Variants in CTNNA3 observed in about 807,000 individuals in gnomAD.
CTNNA3 encodes the protein catenin alpha-3.
Under a neutral mutation model 95.7 loss-of-function variants are expected in CTNNA3, and 76 were observed. The observed-to-expected ratio is 0.79, with a 90% CI of 0.66 to 0.96. The LOEUF (loss-of-function observed/expected upper bound fraction) is 0.96. CTNNA3 is among the 40% of genes least tolerant of loss of function. The probability of loss-of-function intolerance (pLI) is 0.00; values close to 1 mark genes in which losing one functional copy is unlikely to be tolerated. For missense variants in CTNNA3, 1,191 were observed against 1,089.8 expected (o/e 1.09, Z -1.31); for synonymous variants, 431 against 374.4 (o/e 1.15, Z -1.74).
chr10:66,223,062 AAAAC>A (rs564117625), intron 13 of CTNNA3, among the ~76,000 whole-genome samples: 6 of 152,214 alleles, frequency 3.9e-5, no homozygotes, highest in East Asian at 3.9e-4. Flanking sequence ...ACAAAAACCA[AAAAC>A]AAACAAACAA....
intron 2 of CTNNA3, among the ~76,000 whole-genome samples, chr10:67,646,691 A>G (rs1167926697): frequency 2.0e-5 from 3 of 152,110 alleles, no homozygotes; most frequent in African/African-American, 7.2e-5. Flanking sequence ...GTCCCTAGGA[A>G]AAGGGACTTG....
At chr10:67,484,667 G>T (rs1330107788) in intron 5 of CTNNA3, among the ~76,000 whole-genome samples, 1 of 152,104 alleles carries the variant, frequency 6.6e-6, no homozygotes, top group Admixed American at 6.6e-5. Flanking sequence ...CTTCTCAAAA[G>T]AAGACATACA....
At chr10:66,254,308 T>C (rs1033222574) in intron 13 of CTNNA3, among the ~76,000 whole-genome samples, 1 of 152,180 alleles carries the variant, frequency 6.6e-6, no homozygotes, top group Admixed American at 6.5e-5. Flanking sequence ...CAAAACTTTG[T>C]AAGTAACTAG....
intron 1 of CTNNA3, among the ~76,000 whole-genome samples, chr10:67,681,134 T>C (rs1228912803): frequency 1.3e-5 from 2 of 152,246 alleles, no homozygotes; most frequent in Middle Eastern, 3.2e-3. Flanking sequence ...TAATTCTCCC[T>C]GTTAAATGTC....
intron 15 of CTNNA3, among the ~76,000 whole-genome samples, chr10:66,019,241 T>A (rs1188390660): frequency 2.6e-5 from 4 of 152,130 alleles, no homozygotes; most frequent in African/African-American, 9.7e-5. Flanking sequence ...TACATTCAAT[T>A]TCATAGGTAG....
At chr10:66,345,430 T>G (rs2132369056) in intron 12 of CTNNA3, among the ~76,000 whole-genome samples, 1 of 152,270 alleles carries the variant, frequency 6.6e-6, no homozygotes, top group East Asian at 1.9e-4. Context: ...TGTGAATGGC[T>G]GATGGACTCT....
rs1163370775 is a variant in CTNNA3 at position 66,238,546 on chromosome 10, A to C, written c.1884+41924T>G. ...CCTTCATAATATTTGTGAAATACAC[A>C]GTAAAAATAGCATGCGATGACTAAC... On this transcript the variant is annotated intron_variant, in intron 13 of 17. Transcript: ENST00000433211. Among the ~76,000 whole-genome samples, 4 of 152,044 alleles carry C rather than the reference A, an allele frequency of 2.6e-5. No homozygotes were observed. The East Asian group carries it at 7.7e-4, about 29-fold the overall frequency.
At chr10:66,819,889 T>C (rs1842240096) in intron 7 of CTNNA3, among the ~76,000 whole-genome samples, 1 of 152,150 alleles carries the variant, frequency 6.6e-6, no homozygotes, top group Admixed American at 6.5e-5. Context: ...GATGGGAATG[T>C]AAAATTGTGC....
intron 14 of CTNNA3, among the ~76,000 whole-genome samples, chr10:66,097,251 G>C (rs1217989240): frequency 6.6e-6 from 1 of 152,074 alleles, no homozygotes; most frequent in East Asian, 1.9e-4. Context: ...AGGAAACCAA[G>C]TAGTCCCATA....
intron 9 of CTNNA3, among the ~76,000 whole-genome samples, chr10:66,666,965 T>TA (rs1477456067): frequency 2.6e-5 from 4 of 152,152 alleles, no homozygotes; most frequent in South Asian, 2.1e-4. Context: ...TAGTTTTTTT[T>TA]AAAAAAAGGC....
At chr10:67,408,792 A>G (rs889881066) in intron 5 of CTNNA3, among the ~76,000 whole-genome samples, 4 of 151,780 alleles carry the variant, frequency 2.6e-5, no homozygotes, top group African/African-American at 9.7e-5. Flanking sequence ...CATCAAGTGA[A>G]CAGATAACCT....
At chr10:66,055,388 A>T (rs1198227250) in intron 15 of CTNNA3, among the ~76,000 whole-genome samples, 1 of 152,002 alleles carries the variant, frequency 6.6e-6, no homozygotes, top group African/African-American at 2.4e-5. Context: ...GTCCCCTTCA[A>T]TTTCTTTCAT....
intron 1 of CTNNA3, among the ~76,000 whole-genome samples, chr10:67,725,843 T>C (rs911241368): frequency 6.7e-6 from 1 of 148,646 alleles, no homozygotes; most frequent in African/African-American, 2.5e-5. Flanking sequence ...AGTCTTATTG[T>C]AAATACGTAA....
chr10:65,954,212 C>T (rs567881712), intron 17 of CTNNA3, among the ~76,000 whole-genome samples: 46 of 152,246 alleles, frequency 3.0e-4, no homozygotes, highest in African/African-American at 3.9e-4. Flanking sequence ...TCATATCCTT[C>T]GCCCACTTTT....
At chr10:67,566,070 T>TATATATATATATATATATATATATAC (rs1193825437) in intron 3 of CTNNA3, among the ~76,000 whole-genome samples, 1 of 102,516 alleles carries the variant, frequency 9.8e-6, no homozygotes, top group Non-Finnish European at 2.0e-5. Context: ...TATATATATA[T>TATATATATATATATATATATATATAC]ATACAAAACC....
intron 2 of CTNNA3, among the ~76,000 whole-genome samples, chr10:67,614,276 T>A (rs1843576854): frequency 6.6e-6 from 1 of 152,222 alleles, no homozygotes; most frequent in African/African-American, 2.4e-5. Context: ...AGTCCCCTAC[T>A]TGACCCAGGA....
At chr10:67,548,985 G>A (rs895031006) in intron 3 of CTNNA3, among the ~76,000 whole-genome samples, 1 of 151,868 alleles carries the variant, frequency 6.6e-6, no homozygotes, top group Non-Finnish European at 1.5e-5. Flanking sequence ...AATACAAATG[G>A]TCAATAAGCA....
At chr10:66,636,655 T>G (rs1168433762) in intron 9 of CTNNA3, among the ~76,000 whole-genome samples, 1 of 152,140 alleles carries the variant, frequency 6.6e-6, no homozygotes, top group Non-Finnish European at 1.5e-5. Context: ...AACCCAACAT[T>G]GCAAATAAAA....
rs750774115 is a variant in CTNNA3 at position 66,759,280 on chromosome 10, G to A, written c.1281+6984C>T. Among the ~76,000 whole-genome samples the A allele has an allele frequency of 5.3e-5, 8 of 152,078 alleles. No individual in the cohort carries two copies. The South Asian group carries it at 6.2e-4, about 12-fold the overall frequency. On this transcript the variant is annotated intron_variant, in intron 9 of 17. Coordinates refer to ENST00000433211, the MANE Select transcript of CTNNA3 (RefSeq NM_013266.4). Reference sequence around the variant, plus strand: ...TGGCATTTGGTACTTTAATGTGTTCGTATTCATTGGATCCTACTTGCTTCA... The same window carrying A: ...TGGCATTTGGTACTTTAATGTGTTCATATTCATTGGATCCTACTTGCTTCA...
Sources: gnomAD v4.1 joint callset for allele counts (sites outside exome capture counted in the v4.1 genomes callset) on GRCh38, gnomAD v4.1.1 for gene constraint, MANE v1.5 for transcripts, NCBI Gene and HGNC (gene_info 2026-07-23, HGNC 2026-07-21) for gene names.